AKNA: variants seen among roughly 807,000 people sequenced by gnomAD.
AKNA encodes the protein AT-hook transcription factor.
Under a neutral mutation model 138.8 loss-of-function variants are expected in AKNA, and 67 were observed. That is an observed-to-expected ratio of 0.48 (90% confidence interval 0.40 to 0.59). AKNA has a LOEUF of 0.59. AKNA is among the 20% of genes least tolerant of loss of function. The pLI is 0.00. For synonymous variants in AKNA, 737 were observed against 754.4 expected (o/e 0.98, Z 0.38); for missense variants, 1,813 against 1,880.4 (o/e 0.96, Z 0.66).
At chr9:114,333,765 C>G (rs1437408264), downstream of AKNA, among the ~76,000 whole-genome samples, 1 of 149,388 alleles carries the variant, frequency 6.7e-6, no homozygotes, top group Non-Finnish European at 1.5e-5. Context: ...CTGCTGCAAG[C>G]AAGGAAATGA....
At position 114,359,973 on chromosome 9, in the gene AKNA, G is replaced by A; in HGVS notation, c.2214C>T (p.Asp738=). The change falls in exon 10 of 22, where the codon GAC becomes GAT. Residue 738 remains aspartate (D), a synonymous_variant. Transcript: ENST00000374088. ...EVSSGNSEVE[D]RPQDPLARLR... ...GTCGGGCCAGGGGGTCCTGTGGCCT[G>A]TCCTCCACCTCACTGTTGCCAGAGC... 6.2e-7 allele frequency: 1 copy of A among 1,614,222 alleles called. No homozygotes were observed. The highest frequency in any genetic ancestry group is 8.5e-7 in the Non-Finnish European group (1 of 1,180,046).
At chr9:114,362,329 T>A in intron 8 of AKNA, 77 bp downstream of exon 8, 1 of 1,488,544 alleles carries the variant, frequency 6.7e-7, no homozygotes, top group South Asian at 1.3e-5. Context: ...AAGGACAAAG[T>A]GCCTCCCTCC....
rs2131802999 is a variant in AKNA, at chr9:114,343,942, G to A, written c.3662-139C>T. ...TCTCTCTCACGTGTGCACACGGTGAGTGTGCATACACACATCATGTGTAAA... is the reference window on the plus strand; with the variant it reads ...TCTCTCTCACGTGTGCACACGGTGAATGTGCATACACACATCATGTGTAAA... On this transcript the variant is annotated intron_variant, in intron 18 of 21. Coordinates refer to ENST00000374088, the MANE Select transcript of AKNA (RefSeq NM_001317950.2). The A allele has an allele frequency of 4.2e-6, 3 of 709,938 alleles. No individual in the cohort carries two copies. In the East Asian group the frequency reaches 8.1e-5, roughly 19 times the overall value. The allele number at this position is 709,938 out of a possible 1,614,324, so 44.0% of individuals were successfully genotyped here.
intron 19 of AKNA, 57 bp downstream of exon 19, chr9:114,343,651 G>C: frequency 6.4e-7 from 1 of 1,556,040 alleles, no homozygotes; most frequent in South Asian, 1.1e-5. Context: ...ACTCCCCTGA[G>C]GGCAAGAAGC....
intron 1 of AKNA, among the ~76,000 whole-genome samples, chr9:114,382,513 G>T (rs1452416735): frequency 6.6e-6 from 1 of 150,794 alleles, no homozygotes; most frequent in Non-Finnish European, 1.5e-5. Flanking sequence ...AGCCCGGGAG[G>T]TCGAAGCTGC....
chr9:114,385,975 G>A (rs1022629001), intron 1 of AKNA, among the ~76,000 whole-genome samples: 11 of 151,936 alleles, frequency 7.2e-5, no homozygotes, highest in African/African-American at 2.7e-4. Context: ...AGTACCACCT[G>A]CTCTTGATAT....
chr9:114,341,866 C>T, intron 20 of AKNA, 141 bp from the exon 21 acceptor site: 2 of 1,314,986 alleles, frequency 1.5e-6, no homozygotes, highest in South Asian at 2.6e-5. Context: ...GGAGGTCTCT[C>T]TTTGGGGAAC....
At chr9:114,330,584 C>T (rs1332409598), downstream of AKNA, 2 of 1,612,350 alleles carry the variant, frequency 1.2e-6, no homozygotes, top group Admixed American at 1.7e-5. Flanking sequence ...CCGGTGAGAG[C>T]CCCCATTCCA....
chr9:114,380,997 A>G, intron 2 of AKNA, 63 bp downstream of exon 2: 3 of 1,398,396 alleles, frequency 2.1e-6, no homozygotes, highest in East Asian at 2.7e-5. Context: ...AAAAAAAAAA[A>G]AAAAGAACGT....
At chr9:114,375,888 AG>A (rs1833132296) in intron 3 of AKNA, 2 of 440,660 alleles carry the variant, frequency 4.5e-6, no homozygotes, top group Admixed American at 4.8e-5. Flanking sequence ...GGTGTATCTC[AG>A]GGCTCCAGGT....
chr9:114,330,549 C>T (rs889737759), downstream of AKNA: 29 of 1,612,676 alleles, frequency 1.8e-5, no homozygotes, highest in East Asian at 3.3e-4. Context: ...ACAGAGGACA[C>T]GATCTTTCTC....
intron 11 of AKNA, 149 bp downstream of exon 11, chr9:114,359,445 T>G (rs1434165735): frequency 1.4e-6 from 2 of 1,433,294 alleles, no homozygotes; most frequent in African/African-American, 2.9e-5. Context: ...TTTCAAGGGC[T>G]ATCAGTGGTA....
Position 114,356,117 on chromosome 9 carries a change from G to A in AKNA, c.2866C>T (p.Gln956Ter). Residue 956 changes from glutamine (Q) to a stop codon, truncating the protein, a stop_gained, in exon 14 of 22, where the codon CAG becomes TAG. Transcript: ENST00000374088. LOFTEE classifies it high-confidence loss of function. ...SHISTAGTLA[Q>*]PFAASVPRDG... ...CTGGGCACAGATGCAGCAAAGGGCT[G>A]GGCTAATGTTCCTGCTGTGCTGGGG... The A allele has an allele frequency of 6.2e-7, 1 of 1,613,742 alleles. No homozygotes were observed. Among genetic ancestry groups the A allele is most frequent in the Non-Finnish European group, 8.5e-7 (1 of 1,179,794 alleles).
chr9:114,355,634 C>G (rs1021096650), intron 14 of AKNA, among the ~76,000 whole-genome samples: 1 of 152,228 alleles, frequency 6.6e-6, no homozygotes, highest in African/African-American at 2.4e-5. Context: ...GCCGTGCACG[C>G]TGTCTGTCGT....
intron 21 of AKNA, among the ~76,000 whole-genome samples, chr9:114,337,740 T>C (rs1026655118): frequency 5.3e-5 from 8 of 152,022 alleles, no homozygotes; most frequent in Non-Finnish European, 1.0e-4. Flanking sequence ...GGGGGTTCCA[T>C]TTGCCAAGCA....
chr9:114,337,012 T>TGGGGGGGGGGGGGGGGGGGC lies in AKNA; in HGVS notation c.*41_*42insGCCCCCCCCCCCCCCCCCCC. On this transcript the variant is annotated 3_prime_UTR_variant, in exon 22 of 22. Transcript: ENST00000374088. The stretch of plus-strand genomic sequence containing the variant: ...CCCACTCCTGGCCTGGCAGGCCACC[T>TGGGGGGGGGGGGGGGGGGGC]GCCCACCCACCCACCCATCTGCCTC... The TGGGGGGGGGGGGGGGGGGGC allele has an allele frequency of 8.3e-7, 1 of 1,208,224 alleles. No homozygotes were observed. The highest frequency in any genetic ancestry group is 1.1e-6 in the Non-Finnish European group (1 of 929,350). The allele number at this position is 1,208,224 out of a possible 1,614,324, so 74.8% of individuals were successfully genotyped here.
chr9:114,372,582 G>A (rs1221469472), intron 4 of AKNA, among the ~76,000 whole-genome samples: 1 of 152,000 alleles, frequency 6.6e-6, no homozygotes, highest in Non-Finnish European at 1.5e-5. Context: ...GGGTGCAGAC[G>A]CTCCACGCCT....
In AKNA at chr9:114,343,766, T is replaced by G. The variant is rs1001315294; in HGVS notation, c.3699A>C (p.Pro1233=). Residue 1233 remains proline, a synonymous_variant, in exon 19 of 22, where the codon CCA becomes CCC. Transcript: ENST00000374088. ...EYHVLSPKAV[P]KGNGTVSCPH... ...GACAGGAGACTGTGCCATTGCCTTT[T>G]GGGACCGCCTTAGGGGACAGAACAT... The G allele has an allele frequency of 6.8e-6, 11 of 1,614,042 alleles. No homozygotes were observed. The African/African-American group carries it at 1.5e-4, about 22-fold the overall frequency.
At position 114,337,017 on chromosome 9, in the gene AKNA, AC is replaced by A; in HGVS notation, c.*36del. On this transcript the variant is annotated 3_prime_UTR_variant, in exon 22 of 22. Transcript: ENST00000374088. ...TCCTGGCCTGGCAGGCCACCTGCCC[AC>A]CCACCCACCCATCTGCCTCTGGGCC... 3.6e-5 allele frequency: 5 copies of A among 137,242 alleles called. No individual in the cohort carries two copies. Among genetic ancestry groups the A allele is most frequent in the Non-Finnish European group, 5.7e-5 (4 of 70,430 alleles). 8.5% of individuals were successfully genotyped at this position (137,242 alleles called of 1,614,324 possible).
Sources: gnomAD v4.1 joint callset for allele counts (sites outside exome capture counted in the v4.1 genomes callset) on GRCh38, gnomAD v4.1.1 for gene constraint, MANE v1.5 for transcripts, NCBI Gene and HGNC (gene_info 2026-07-23, HGNC 2026-07-21) for gene names.